The following CDK12 variants were observed in gnomAD, a reference collection of about 807,000 sequenced individuals.
CDK12 encodes the protein cyclin dependent kinase 12.
In CDK12, 17 loss-of-function variants were observed where a neutral mutation model predicts 133.8. The ratio of observed to expected loss-of-function variants is 0.13; its 90% CI spans 0.09 to 0.19. The LOEUF is 0.19. Ranked by LOEUF, CDK12 falls within the 10% of genes least tolerant of loss-of-function variation. The pLI, the probability that CDK12 is intolerant of heterozygous loss-of-function variation, is 1.00. For missense variants in CDK12, 1,508 were observed against 1,818.7 expected, an observed-to-expected ratio of 0.83 and a Z score of 3.11; for synonymous variants, 694 against 683.6, an observed-to-expected ratio of 1.02 and a Z score of -0.24.
chr17:39,504,879 CAAAAA>C (rs141083545), intron 6 of CDK12, among the ~76,000 whole-genome samples: 4 of 42,498 alleles, frequency 9.4e-5, no homozygotes, highest in Non-Finnish European at 1.6e-4. Flanking sequence ...GACCCTGTCT[CAAAAA>C]AAAAAAAAAA....
chr17:39,503,651 G>C (rs1307161206), intron 6 of CDK12, among the ~76,000 whole-genome samples: 2 of 152,130 alleles, frequency 1.3e-5, no homozygotes, highest in African/African-American at 2.4e-5. Flanking sequence ...AGCTGATGAG[G>C]TTCCAGACTA....
chr17:39,527,837 A>G (rs1382310742), intron 13 of CDK12, among the ~76,000 whole-genome samples: 1 of 151,644 alleles, frequency 6.6e-6, no homozygotes. Flanking sequence ...TTGAGCCACT[A>G]CCCCCGGCCT....
intron 5 of CDK12, among the ~76,000 whole-genome samples, chr17:39,498,500 G>A (rs966952313): frequency 4.6e-5 from 7 of 152,180 alleles, no homozygotes; most frequent in Non-Finnish European, 8.8e-5. Context: ...TGGGATTACA[G>A]GCGTGAGCCG....
intron 10 of CDK12, 26 bp downstream of exon 10, chr17:39,517,582 C>G (rs753978132): frequency 1.5e-6 from 2 of 1,370,758 alleles, no homozygotes; most frequent in Non-Finnish European, 2.1e-6. Context: ...ATGAACATCT[C>G]GTTTCTGTGT....
rs1267857497 is a variant in CDK12, at chr17:39,519,972, C to G, written c.2980C>G (p.Leu994Val). Residue 994 changes from leucine (L) to valine (V), a missense_variant, in exon 11 of 14, where the codon CTT becomes GTT. This residue lies in a region of CDK12 where 82 missense variants were observed against 201.5 expected (regional missense o/e 0.41). Coordinates refer to ENST00000447079, the MANE Select transcript of CDK12 (RefSeq NM_016507.4). The stretch of plus-strand genomic sequence containing the variant: ...TTTCCATAGCATTCCTTCTGCAGCA[C>G]TTGATTTATTGGACCACATGCTGAC... ...EEFSFIPSAA[L>V]DLLDHMLTLD... The G allele has an allele frequency of 1.9e-6, 3 of 1,613,902 alleles. No homozygotes were observed. The highest frequency in any genetic ancestry group is 2.2e-5 in the South Asian group (2 of 91,084).
At chr17:39,476,890 TTG>T (rs1426753233) in intron 2 of CDK12, among the ~76,000 whole-genome samples, 1 of 150,220 alleles carries the variant, frequency 6.7e-6, no homozygotes, top group African/African-American at 2.5e-5. Context: ...CCTGGCTAAT[TTG>T]TGTATTTTTA....
chr17:39,466,614 T>TG (rs776964292), intron 1 of CDK12, among the ~76,000 whole-genome samples: 3 of 33,938 alleles, frequency 8.8e-5, no homozygotes, highest in Non-Finnish European at 1.4e-4. Context: ...AAACTCTATC[T>TG]GAAAAAAAAA....
chr17:39,531,282 C>G lies in CDK12; in HGVS notation c.4439C>G (p.Pro1480Arg). 1 of 1,497,426 alleles carries G rather than the reference C, an allele frequency of 6.7e-7. No homozygotes were observed. 92.8% of individuals were successfully genotyped at this position (1,497,426 alleles called of 1,614,324 possible). A position where few individuals can be genotyped will look rare whatever the true frequency, so the allele number is the denominator to read the frequency against. The change falls in exon 14 of 14, where the codon CCA becomes CGA. Residue 1480 changes from proline to arginine, a missense_variant. Pro to Arg is a moderately radical substitution (Grantham distance 103). Coordinates refer to ENST00000447079, the MANE Select transcript of CDK12 (RefSeq NM_016507.4). ...KLYRGPTRVP[P>R]RGGRGRGVPY ...TATCGGGGGCCTACAAGAGTCCCAC[C>G]AAGAGGGGGAAGAGGGAGAGGAGTT...
intron 2 of CDK12, among the ~76,000 whole-genome samples, chr17:39,474,499 G>A (rs1045803480): frequency 3.3e-5 from 5 of 152,142 alleles, no homozygotes; most frequent in African/African-American, 1.2e-4. Context: ...ATTTTTTGTA[G>A]ACATGGGGTT....
intron 2 of CDK12, among the ~76,000 whole-genome samples, chr17:39,482,301 C>T (rs527237760): frequency 9.9e-5 from 15 of 152,090 alleles, no homozygotes; most frequent in Admixed American, 3.3e-4. Flanking sequence ...CCTGAGCTAC[C>T]GCACCTGGCC....
At chr17:39,502,592 T>G (rs762255778) in intron 6 of CDK12, among the ~76,000 whole-genome samples, 3 of 152,220 alleles carry the variant, frequency 2.0e-5, no homozygotes, top group Non-Finnish European at 2.9e-5. Context: ...AAGGCTCACA[T>G]GCGACGATTG....
chr17:39,472,905 C>T (rs926101097), intron 2 of CDK12, among the ~76,000 whole-genome samples: 2 of 151,478 alleles, frequency 1.3e-5, no homozygotes, highest in African/African-American at 4.8e-5. Flanking sequence ...TGAAACCCTG[C>T]CTCTACTAAA....
chr17:39,525,788 C>A, intron 12 of CDK12, 76 bp from the exon 13 acceptor site: 1 of 1,053,514 alleles, frequency 9.5e-7, no homozygotes. Flanking sequence ...TTGTAAGTTG[C>A]TGTTGCCAGT....
chr17:39,563,459 T>TCCC (rs1404863272), intron 3 of CDK12, among the ~76,000 whole-genome samples: 143 of 21,376 alleles, frequency 6.7e-3, no homozygotes, highest in South Asian at 0.02. Flanking sequence ...TTCTCTTGCT[T>TCCC]CCCGCCCCCC....
chr17:39,545,789 C>A (rs1190674932), upstream of CDK12, among the ~76,000 whole-genome samples: 1 of 148,430 alleles, frequency 6.7e-6, no homozygotes, highest in African/African-American at 2.5e-5. Flanking sequence ...ATTTTTTTTT[C>A]CTTCCTTCCT....
chr17:39,519,618 C>A (rs1173324545), intron 10 of CDK12, among the ~76,000 whole-genome samples: 1 of 148,158 alleles, frequency 6.7e-6, no homozygotes, highest in Non-Finnish European at 1.5e-5. Context: ...GAGATGGGCT[C>A]TTGCTCTGTT....
chr17:39,530,950 C>T lies in CDK12; in HGVS notation c.4107C>T (p.Thr1369=), dbSNP rs1291511673. ...CCTTGACAGAATCCTTGGTCCAGAC[C>T]CTGGTGAAGAACAGGACCTTCTCAG... ...GPALTESLVQ[T]LVKNRTFSGS... The change falls in exon 14 of 14, where the codon ACC becomes ACT. Residue 1369 remains threonine (T), a synonymous_variant. Coordinates refer to ENST00000447079, the MANE Select transcript of CDK12 (RefSeq NM_016507.4). 1.2e-6 allele frequency: 2 copies of T among 1,614,156 alleles called. No individual in the cohort carries two copies. Among genetic ancestry groups the T allele is most frequent in the Non-Finnish European group, 1.7e-6 (2 of 1,180,022 alleles).
chr17:39,520,034 C>T lies in CDK12; in HGVS notation c.3042C>T (p.Thr1014=). ...DPSKRCTAEQ[T]LQSDFLKDVE... is the part of the protein sequence containing the mutation. ...GTAAGCGGTGCACAGCTGAACAGAC[C>T]CTACAGAGCGACTTCCTTAAAGATG... is the stretch of plus-strand genomic sequence containing the variant. The change falls in exon 11 of 14, where the codon ACC becomes ACT. Residue 1014 remains threonine, a synonymous_variant. Transcript: ENST00000447079. 6.2e-7 allele frequency: 1 copy of T among 1,613,962 alleles called. No individual in the cohort carries two copies. The highest frequency in any genetic ancestry group is 8.5e-7 in the Non-Finnish European group (1 of 1,179,952).
chr17:39,485,665 G>T (rs2051067849), intron 2 of CDK12, among the ~76,000 whole-genome samples: 1 of 151,534 alleles, frequency 6.6e-6, no homozygotes, highest in Non-Finnish European at 1.5e-5. Flanking sequence ...CCCGGCCTCG[G>T]CCCCCTAAAG....
Sources: allele counts gnomAD v4.1 joint callset (sites outside exome capture counted in the v4.1 genomes callset), GRCh38; gene constraint gnomAD v4.1.1; regional missense constraint gnomAD v4.1.1; transcripts MANE v1.5; gene names NCBI Gene and HGNC (gene_info 2026-07-23, HGNC 2026-07-21).